Variants in EIF2B3 observed in about 807,000 individuals in gnomAD.
EIF2B3 encodes the protein eukaryotic translation initiation factor 2B subunit gamma.
Under a neutral mutation model 54.1 loss-of-function variants are expected in EIF2B3, and 20 were observed. That is an observed-to-expected ratio of 0.37 (90% confidence interval 0.26 to 0.54). EIF2B3 has a LOEUF of 0.54. Ranked by LOEUF, EIF2B3 falls within the 20% of genes least tolerant of loss-of-function variation. EIF2B3 has a pLI of 0.86. For synonymous variants in EIF2B3, 153 were observed against 188.1 expected, an observed-to-expected ratio of 0.81 and a Z score of 1.52; for missense variants, 448 against 547.8, an observed-to-expected ratio of 0.82 and a Z score of 1.82.
At chr1:44,960,152 T>C (rs1462905270) in intron 3 of EIF2B3, among the ~76,000 whole-genome samples, 1 of 152,208 alleles carries the variant, frequency 6.6e-6, no homozygotes, top group African/African-American at 2.4e-5. Flanking sequence ...TCAGTCCCTA[T>C]ATGTATTTAA....
At chr1:44,872,924 T>C (rs549125284) in intron 10 of EIF2B3, among the ~76,000 whole-genome samples, 1 of 152,224 alleles carries the variant, frequency 6.6e-6, no homozygotes, top group South Asian at 2.1e-4. Context: ...TAGTATCTGA[T>C]AAATCAGTGA....
At chr1:44,936,350 C>G (rs1000364320) in intron 4 of EIF2B3, among the ~76,000 whole-genome samples, 19 of 150,632 alleles carry the variant, frequency 1.3e-4, no homozygotes, top group African/African-American at 4.2e-4. Flanking sequence ...GAGGCCAAGG[C>G]GGGTGGATCA....
intron 10 of EIF2B3, chr1:44,863,043 CT>C (rs1654663333): frequency 1.3e-5 from 2 of 152,358 alleles, no homozygotes; most frequent in Non-Finnish European, 1.5e-5. Context: ...CGGGCTCCTG[CT>C]TCAGATATTG....
At chr1:44,982,920 G>A (rs1020536955) in intron 1 of EIF2B3, among the ~76,000 whole-genome samples, 2 of 151,804 alleles carry the variant, frequency 1.3e-5, no homozygotes, top group Non-Finnish European at 2.9e-5. Flanking sequence ...GCACCACCAC[G>A]CCCAGCTGCC....
intron 11 of EIF2B3, among the ~76,000 whole-genome samples, chr1:44,852,498 C>T (rs561406490): frequency 7.9e-5 from 12 of 152,060 alleles, no homozygotes; most frequent in African/African-American, 1.9e-4. Flanking sequence ...ACATTGAGGG[C>T]GCTGGGCGCG....
At chr1:44,985,475 A>G (rs1325224157) in intron 1 of EIF2B3, among the ~76,000 whole-genome samples, 1 of 152,234 alleles carries the variant, frequency 6.6e-6, no homozygotes, top group Non-Finnish European at 1.5e-5. Context: ...AAATGTCTAC[A>G]TAAGAGTGTA....
rs148929316 is a variant in EIF2B3 at position 44,965,771 on chromosome 1, C to G, written c.294+12544G>C. On this transcript the variant is annotated intron_variant, in intron 3 of 11. Coordinates refer to ENST00000360403, the MANE Select transcript of EIF2B3 (RefSeq NM_020365.5). ...CTTCGTGCCTCGGCCTCCTGAGTAG[C>G]TGGGACTACAGGTGCACACTACTAT... 4.6e-3 allele frequency among the ~76,000 whole-genome samples: 690 copies of G among 151,118 alleles called. 4 individuals are homozygous for G. The highest frequency in any genetic ancestry group is 0.015 in the African/African-American group (612 of 41,130).
At chr1:44,864,980 G>A (rs1654722287) in intron 10 of EIF2B3, among the ~76,000 whole-genome samples, 1 of 152,246 alleles carries the variant, frequency 6.6e-6, no homozygotes, top group African/African-American at 2.4e-5. Flanking sequence ...CACTTTGGGA[G>A]GCCAAGGCAG....
chr1:44,892,510 G>A (rs564303474), intron 6 of EIF2B3, among the ~76,000 whole-genome samples: 4 of 151,904 alleles, frequency 2.6e-5, no homozygotes, highest in Non-Finnish European at 5.9e-5. Flanking sequence ...AGCCCAGGAG[G>A]TGGAGGCTGC....
intron 4 of EIF2B3, among the ~76,000 whole-genome samples, chr1:44,935,683 G>A (rs1643939584): frequency 6.6e-6 from 1 of 151,998 alleles, no homozygotes; most frequent in Non-Finnish European, 1.5e-5. Context: ...TGTATTTTTA[G>A]AGAGAGAGGG....
chr1:44,934,656 C>A (rs527253357), intron 4 of EIF2B3, among the ~76,000 whole-genome samples: 4 of 151,978 alleles, frequency 2.6e-5, no homozygotes, highest in Non-Finnish European at 5.9e-5. Flanking sequence ...AGGCACCCAC[C>A]ACCACGCCCA....
chr1:44,981,141 C>T lies in EIF2B3; in HGVS notation c.28G>A (p.Val10Ile), dbSNP rs1456181265. Reference sequence around the variant, plus strand: ...TCTGTCATCCGAGATCCTCCACCTACTGCCATCACTACTGCTTGAAATTCC... The same window carrying T: ...TCTGTCATCCGAGATCCTCCACCTATTGCCATCACTACTGCTTGAAATTCC... MEFQAVVMA[V>I]GGGSRMTDLT... The change falls in exon 2 of 12, where the codon GTA (valine) becomes ATA (isoleucine). Residue 10 changes from valine to isoleucine, a missense_variant. Transcript: ENST00000360403. 2.5e-6 allele frequency: 4 copies of T among 1,613,046 alleles called. No homozygotes were observed. In the Admixed American group the frequency reaches 5.0e-5, roughly 20 times the overall value.
intron 3 of EIF2B3, among the ~76,000 whole-genome samples, chr1:44,977,534 G>A (rs956718745): frequency 4.7e-5 from 7 of 149,630 alleles, no homozygotes; most frequent in South Asian, 2.1e-4. Flanking sequence ...GCATGATCTC[G>A]GCTCACTGCA....
chr1:44,896,680 T>G (rs919213600), intron 6 of EIF2B3, among the ~76,000 whole-genome samples: 1 of 152,216 alleles, frequency 6.6e-6, no homozygotes, highest in Admixed American at 6.5e-5. Flanking sequence ...TTTTTCCACC[T>G]GTTCCTTTGA....
At chr1:44,970,174 C>T (rs1054643729) in intron 3 of EIF2B3, 3 of 152,132 alleles carry the variant, frequency 2.0e-5, no homozygotes, top group Non-Finnish European at 2.9e-5. Context: ...AAAAACATAA[C>T]TTAGCAAATA....
chr1:44,881,753 A>C lies in EIF2B3; in HGVS notation c.657-14T>G. ...GAAGTTATTGACCTAGAAAGAAAGA[A>C]TGGCCAAATATGAGAAACCTGACTG... On this transcript the variant is annotated splice_polypyrimidine_tract_variant and intron_variant, in intron 6 of 11. Coordinates refer to ENST00000360403, the MANE Select transcript of EIF2B3 (RefSeq NM_020365.5). The surrounding 1 kb of genome is among the most constrained non-coding windows in gnomAD (Gnocchi z 4.0). 2.5e-6 allele frequency: 4 copies of C among 1,613,812 alleles called. No homozygotes were observed. The highest frequency in any genetic ancestry group is 3.4e-6 in the Non-Finnish European group (4 of 1,179,804).
chr1:44,872,657 A>G lies in EIF2B3; in HGVS notation c.1202+2021T>C, dbSNP rs549222354. 2.6e-5 allele frequency among the ~76,000 whole-genome samples: 4 copies of G among 152,078 alleles called. No homozygotes were observed. In the South Asian group the frequency reaches 8.4e-4, roughly 32 times the overall value. On this transcript the variant is annotated intron_variant, in intron 10 of 11. Transcript: ENST00000360403. ...AGAGGGAAACCCTGTCTTGAAAAAA[A>G]ACAAAAAAACACTACCCCCAAAACC...
At chr1:44,867,957 G>A (rs1003945477) in intron 10 of EIF2B3, among the ~76,000 whole-genome samples, 3 of 151,726 alleles carry the variant, frequency 2.0e-5, no homozygotes, top group Non-Finnish European at 2.9e-5. Context: ...AAAATCACTT[G>A]AGCCCAGGAG....
chr1:44,971,252 A>G (rs569349884), intron 3 of EIF2B3, among the ~76,000 whole-genome samples: 1 of 151,978 alleles, frequency 6.6e-6, no homozygotes, highest in East Asian at 1.9e-4. Context: ...GCTTGGTGGC[A>G]GGCACCTGTA....
Sources: gnomAD v4.1 joint callset for allele counts (sites outside exome capture counted in the v4.1 genomes callset) on GRCh38, gnomAD v4.1.1 for gene constraint, Gnocchi (gnomAD v3.1) non-coding constraint, MANE v1.5 for transcripts, NCBI Gene and HGNC (gene_info 2026-07-23, HGNC 2026-07-21) for gene names.